PCDHGA3: variants seen among roughly 807,000 people sequenced by gnomAD.
PCDHGA3 encodes protocadherin gamma subfamily A, 3, also known as protocadherin gamma-A3.
In PCDHGA3, 40 loss-of-function variants were observed where a neutral mutation model predicts 58.5. The observed-to-expected ratio is 0.68, with a 90% CI of 0.53 to 0.89. The LOEUF is 0.89. Ranked by LOEUF, PCDHGA3 falls within the 40% of genes least tolerant of loss-of-function variation. The pLI, the probability that PCDHGA3 is intolerant of heterozygous loss-of-function variation, is 0.00. For missense variants in PCDHGA3, 1,223 were observed against 1,195.9 expected, an observed-to-expected ratio of 1.02 and a Z score of -0.33; for synonymous variants, 530 against 525.7, an observed-to-expected ratio of 1.01 and a Z score of -0.11.
At chr5:141,409,030 G>C (rs377547144) in intron 1 of PCDHGA3, 2 of 1,614,010 alleles carry the variant, frequency 1.2e-6, no homozygotes, top group South Asian at 2.2e-5. Context: ...TCAATGCTGA[G>C]ATAAACTACT....
chr5:141,417,613 G>A (rs984573855), intron 1 of PCDHGA3: 2 of 624,312 alleles, frequency 3.2e-6, no homozygotes, highest in African/African-American at 3.7e-5. Flanking sequence ...GTCGGCCAGT[G>A]CAGAGCAAGC....
intron 1 of PCDHGA3, among the ~76,000 whole-genome samples, chr5:141,430,360 T>C (rs570966246): frequency 1.8e-4 from 27 of 151,522 alleles, no homozygotes; most frequent in Middle Eastern, 3.4e-3. Flanking sequence ...TAAAAGCTCA[T>C]TGGGGAAAAA....
chr5:141,427,782 T>G, intron 1 of PCDHGA3: 1 of 1,459,986 alleles, frequency 6.8e-7, no homozygotes, highest in Middle Eastern at 1.7e-4. Context: ...GCGGGCACTG[T>G]CGTCCTACGT....
Position 141,344,125 on chromosome 5 carries a change from TC to T in PCDHGA3, c.94del (p.Arg32AlafsTer8), listed in dbSNP as rs1757369417. On this transcript the variant is annotated frameshift_variant, in exon 1 of 4. Transcript: ENST00000253812. LOFTEE classifies it high-confidence loss of function. ...CTGTGCGAAACAGGATCCGGTCAGA[TC>T]CGCTACTCGGTGTCTGAGGAGCTAG... The part of the protein sequence containing the change: ...GTLCETGSGQ[I>X]RYSVSEELDK... The T allele has an allele frequency of 8.7e-6, 14 of 1,613,900 alleles. No individual in the cohort carries two copies. The highest frequency in any genetic ancestry group is 1.7e-5 in the Admixed American group (1 of 60,010).
intron 1 of PCDHGA3, chr5:141,360,246 T>C: frequency 6.2e-7 from 1 of 1,613,890 alleles, no homozygotes; most frequent in Admixed American, 1.7e-5. Flanking sequence ...GCTATTCAAT[T>C]CCAGAGGAGC....
At chr5:141,351,094 C>G (rs753597270) in intron 1 of PCDHGA3, 1 of 1,614,060 alleles carries the variant, frequency 6.2e-7, no homozygotes, top group East Asian at 2.2e-5. Context: ...CCTATGCCTT[C>G]CTCAATTCCC....
In PCDHGA3 at chr5:141,490,670, C is replaced by A. The variant is rs1003577285; in HGVS notation, c.2425-4137C>A. ...CCGGGCTCCCTTCTTTGCACTGTGG[C>A]TGCCTCAGATCCAGACACTGGGGAT... On this transcript the variant is annotated intron_variant, in intron 1 of 3. Coordinates refer to ENST00000253812, the MANE Select transcript of PCDHGA3 (RefSeq NM_018916.4). This position sits in a 1 kb window ranked among gnomAD's most constrained non-coding sequence, Gnocchi z 5.4. 4 of 1,614,194 alleles carry A rather than the reference C, an allele frequency of 2.5e-6. No homozygotes were observed. The highest frequency in any genetic ancestry group is 3.4e-6 in the Non-Finnish European group (4 of 1,179,986).
Position 141,431,756 on chromosome 5 carries a change from G to T in PCDHGA3, c.2425-63051G>T. The T allele has an allele frequency of 6.2e-7, 1 of 1,614,236 alleles. No individual in the cohort carries two copies. Among genetic ancestry groups the T allele is most frequent in the South Asian group, 1.1e-5 (1 of 91,088 alleles). On this transcript the variant is annotated intron_variant, in intron 1 of 3. Transcript: ENST00000253812. This position sits in a 1 kb window ranked among gnomAD's most constrained non-coding sequence, Gnocchi z 4.8. Reference sequence around the variant, plus strand: ...TGCAGGATATTCTGCGCGAGCCAAAGTCCTGATCACTGTTCTGGACGTGAA... The same window carrying T: ...TGCAGGATATTCTGCGCGAGCCAAATTCCTGATCACTGTTCTGGACGTGAA...
chr5:141,361,368 C>G, intron 1 of PCDHGA3: 1 of 1,613,970 alleles, frequency 6.2e-7, no homozygotes, highest in South Asian at 1.1e-5. Context: ...GCGCTCTGGA[C>G]CGGGAGGAGA....
chr5:141,371,532 G>A lies in PCDHGA3; in HGVS notation c.2424+25075G>A. ...ACATGATCTAGATTCTGGATTTAAT[G>A]GAGAAATCCTATGCCAACTAAAAGG... On this transcript the variant is annotated intron_variant, in intron 1 of 3. Transcript: ENST00000253812. The A allele has an allele frequency of 6.2e-7, 1 of 1,613,660 alleles. No individual in the cohort carries two copies. Among genetic ancestry groups the A allele is most frequent in the Non-Finnish European group, 8.5e-7 (1 of 1,179,684 alleles).
At position 141,431,159 on chromosome 5, in the gene PCDHGA3, C is replaced by T. The variant is rs1017606383; in HGVS notation, c.2425-63648C>T. Reference sequence around the variant, plus strand: ...CATTAACGACAATGCGCCTTACTTTCGTGAAAGTGAATTAGAAATAAAAAT... The same window carrying T: ...CATTAACGACAATGCGCCTTACTTTTGTGAAAGTGAATTAGAAATAAAAAT... On this transcript the variant is annotated intron_variant, in intron 1 of 3. Transcript: ENST00000253812. The surrounding 1 kb of genome is among the most constrained non-coding windows in gnomAD (Gnocchi z 4.8). 1 of 1,614,158 alleles carries T rather than the reference C, an allele frequency of 6.2e-7. No individual in the cohort carries two copies. The highest frequency in any genetic ancestry group is 1.3e-5 in the African/African-American group (1 of 75,046).
chr5:141,349,577 C>A (rs1181404726), intron 1 of PCDHGA3, among the ~76,000 whole-genome samples: 2 of 152,028 alleles, frequency 1.3e-5, no homozygotes, highest in African/African-American at 4.8e-5. Context: ...GCTGTGATTT[C>A]CTCTTTTTTG....
intron 1 of PCDHGA3, among the ~76,000 whole-genome samples, chr5:141,482,257 T>C (rs2099555476): frequency 1.3e-5 from 2 of 152,156 alleles, no homozygotes; most frequent in Admixed American, 1.3e-4. Context: ...ACTGTACATA[T>C]TAGTTGTTTA....
Position 141,491,858 on chromosome 5 carries a change from A to G in PCDHGA3, c.2425-2949A>G, listed in dbSNP as rs17208425. 297,575 of 1,456,446 alleles carry G rather than the reference A, an allele frequency of 0.2. 31,644 individuals are homozygous for G. The highest frequency in any genetic ancestry group is 0.33 in the Admixed American group (11,758 of 35,494). 90.2% of individuals were successfully genotyped at this position (1,456,446 alleles called of 1,614,324 possible). On this transcript the variant is annotated intron_variant, in intron 1 of 3. Transcript: ENST00000253812. This position sits in a 1 kb window ranked among gnomAD's most constrained non-coding sequence, Gnocchi z 6.9. ...TCGGGATCATTGGACCGTTTGCGCG[A>G]AACCAGAGTGGCCGATTAAGGGATG... is the stretch of plus-strand genomic sequence containing the variant.
rs2097423534 is a variant in PCDHGA3 at position 141,431,850 on chromosome 5, C to A, written c.2425-62957C>A. 6.2e-7 allele frequency: 1 copy of A among 1,614,234 alleles called. No individual in the cohort carries two copies. ...GTTCCCGAAAACTCTCCCAGAGGGA[C>A]ATTAATTGCCCTTTTAAATGTAAAT... On this transcript the variant is annotated intron_variant, in intron 1 of 3. Coordinates refer to ENST00000253812, the MANE Select transcript of PCDHGA3 (RefSeq NM_018916.4). This position sits in a 1 kb window ranked among gnomAD's most constrained non-coding sequence, Gnocchi z 4.8.
chr5:141,476,738 C>T lies in PCDHGA3; in HGVS notation c.2425-18069C>T. 6.2e-7 allele frequency: 1 copy of T among 1,614,076 alleles called. No individual in the cohort carries two copies. The highest frequency in any genetic ancestry group is 2.2e-5 in the East Asian group (1 of 44,880). On this transcript the variant is annotated intron_variant, in intron 1 of 3. Transcript: ENST00000253812. This position sits in a 1 kb window ranked among gnomAD's most constrained non-coding sequence, Gnocchi z 7.6. Reference sequence around the variant, plus strand: ...GCGCGCCCTGGACCGAGAACGGGAGCCTAGTCTCCAGTTAGTGCTGACGGC... The same window carrying T: ...GCGCGCCCTGGACCGAGAACGGGAGTCTAGTCTCCAGTTAGTGCTGACGGC...
In PCDHGA3 at chr5:141,490,803, C is replaced by A; in HGVS notation, c.2425-4004C>A. The A allele has an allele frequency of 6.2e-7, 1 of 1,613,956 alleles. No homozygotes were observed. Among genetic ancestry groups the A allele is most frequent in the South Asian group, 1.1e-5 (1 of 91,080 alleles). On this transcript the variant is annotated intron_variant, in intron 1 of 3. Transcript: ENST00000253812. The surrounding 1 kb of genome is among the most constrained non-coding windows in gnomAD (Gnocchi z 5.4). ...ATGGACGGATCTTTGCCCAGCGTAC[C>A]TTTGACTATGAATTGCTGCAGATGC...
intron 2 of PCDHGA3, 35 bp from the exon 3 acceptor site, chr5:141,505,358 G>A (rs1156448862): frequency 6.2e-7 from 1 of 1,613,796 alleles, no homozygotes; most frequent in Non-Finnish European, 8.5e-7. Context: ...GTGCCGGCCT[G>A]GGAGTCTGTG....
chr5:141,395,750 G>C (rs1308444906), intron 1 of PCDHGA3: 3 of 152,888 alleles, frequency 2.0e-5, no homozygotes, highest in African/African-American at 7.3e-5. Flanking sequence ...TCTTTTCTGA[G>C]CCCTGTTTCT....
Sources: allele counts gnomAD v4.1 joint callset (sites outside exome capture counted in the v4.1 genomes callset), GRCh38; gene constraint gnomAD v4.1.1; non-coding constraint Gnocchi (gnomAD v3.1); transcripts MANE v1.5; gene names NCBI Gene and HGNC (gene_info 2026-07-23, HGNC 2026-07-21).